MYO16: variants seen among roughly 807,000 people sequenced by gnomAD.
MYO16 encodes unconventional myosin-XVI.
In MYO16, 94 loss-of-function variants were observed where a neutral mutation model predicts 205.3. The ratio of observed to expected loss-of-function variants is 0.46; its 90% CI spans 0.39 to 0.54. MYO16 has a LOEUF of 0.54. MYO16 is among the 20% of genes least tolerant of loss of function. The pLI, the probability that MYO16 is intolerant of heterozygous loss-of-function variation, is 0.00. For missense variants in MYO16, 2,315 were observed against 2,387.5 expected (o/e 0.97, Z 0.63); for synonymous variants, 988 against 954.0 (o/e 1.04, Z -0.66).
chr13:108,680,231 G>T (rs931232335), intron 2 of MYO16, among the ~76,000 whole-genome samples: 5 of 152,188 alleles, frequency 3.3e-5, no homozygotes, highest in African/African-American at 1.2e-4. Flanking sequence ...CATCCAAGTG[G>T]CTGGATCCCA....
chr13:108,855,768 C>CTAA (rs1164354890), intron 11 of MYO16, among the ~76,000 whole-genome samples: 1 of 152,188 alleles, frequency 6.6e-6, no homozygotes. Flanking sequence ...TGAGTATGAA[C>CTAA]TAATACCCTG....
chr13:108,744,523 A>G (rs910554719), intron 4 of MYO16, among the ~76,000 whole-genome samples: 3 of 152,278 alleles, frequency 2.0e-5, no homozygotes, highest in African/African-American at 7.2e-5. Context: ...TCTGAAGAAC[A>G]GTATGATTCT....
chr13:108,819,331 G>A (rs186664182), intron 7 of MYO16, among the ~76,000 whole-genome samples: 7 of 152,152 alleles, frequency 4.6e-5, no homozygotes, highest in East Asian at 3.9e-4. Context: ...CAAAAATTTC[G>A]CGGTAAGCCA....
chr13:108,592,043 A>G (rs1021459092), upstream of MYO16, among the ~76,000 whole-genome samples: 5 of 112,096 alleles, frequency 4.5e-5, no homozygotes, highest in African/African-American at 1.8e-4. Context: ...GATTAAAAAA[A>G]TTTAATTATA....
intron 27 of MYO16, among the ~76,000 whole-genome samples, chr13:109,090,419 C>A (rs553062646): frequency 6.6e-6 from 1 of 152,184 alleles, no homozygotes. Flanking sequence ...TATGGCTGTG[C>A]GTCCACATGT....
the MYO16 span, among the ~76,000 whole-genome samples, chr13:108,528,615 C>CTT: frequency 3.5e-4 from 2 of 5,756 alleles, no homozygotes. Context: ...CCTCTCCTCC[C>CTT]CTCCCCTCTC....
At chr13:108,937,763 A>G (rs1882555919) in intron 16 of MYO16, among the ~76,000 whole-genome samples, 1 of 152,104 alleles carries the variant, frequency 6.6e-6, no homozygotes, top group South Asian at 2.1e-4. Context: ...TAAGATGTTT[A>G]TCTCTTCTTT....
chr13:108,768,370 T>C (rs998280848), intron 4 of MYO16, among the ~76,000 whole-genome samples: 1 of 152,228 alleles, frequency 6.6e-6, no homozygotes, highest in African/African-American at 2.4e-5. Context: ...AAGCCTCACT[T>C]AGACTTCTTG....
rs1322482731 is a variant in MYO16, at chr13:109,140,942, C to A, written c.4730C>A (p.Ser1577Tyr). 1 of 1,550,640 alleles carries A rather than the reference C, an allele frequency of 6.4e-7. No homozygotes were observed. The highest frequency in any genetic ancestry group is 8.7e-7 in the Non-Finnish European group (1 of 1,151,128). The stretch of plus-strand genomic sequence containing the variant: ...AAGGGCGACGGCGACAGGCCCGCGT[C>A]CCCCGGCCTGGCGCTGTTCAACGGG... Reference protein sequence around the residue: ...SQKGDGDRPASPGLALFNGSG... With the variant: ...SQKGDGDRPAYPGLALFNGSG... Residue 1577 changes from serine (S) to tyrosine (Y), a missense_variant, in exon 32 of 35, where the codon TCC becomes TAC. By Grantham distance (144) the Ser-to-Tyr change is moderately radical. Transcript: ENST00000457511. This position sits in a 1 kb window ranked among gnomAD's most constrained non-coding sequence, Gnocchi z 8.0.
At chr13:108,890,690 G>A (rs1334887570) in intron 14 of MYO16, among the ~76,000 whole-genome samples, 1 of 152,176 alleles carries the variant, frequency 6.6e-6, no homozygotes, top group Non-Finnish European at 1.5e-5. Flanking sequence ...TGGAAGAAGA[G>A]GAGAGTTGAT....
At chr13:108,933,521 G>A (rs1376819576) in intron 16 of MYO16, among the ~76,000 whole-genome samples, 2 of 150,728 alleles carry the variant, frequency 1.3e-5, no homozygotes, top group Non-Finnish European at 3.0e-5. Context: ...GTGTGTGTAT[G>A]TGTGTGTGTA....
intron 20 of MYO16, among the ~76,000 whole-genome samples, chr13:108,980,092 G>A (rs889702650): frequency 1.3e-5 from 2 of 152,042 alleles, no homozygotes; most frequent in African/African-American, 4.8e-5. Flanking sequence ...ATCAGATCTA[G>A]GAGAATATGT....
At chr13:108,558,325 C>A in the MYO16 span, among the ~76,000 whole-genome samples, 1 of 152,154 alleles carries the variant, frequency 6.6e-6, no homozygotes. Context: ...GTCTCCTTGT[C>A]CTTTTGCCTC....
intron 4 of MYO16, among the ~76,000 whole-genome samples, chr13:108,759,603 C>T (rs781753967): frequency 6.6e-6 from 1 of 152,020 alleles, no homozygotes; most frequent in Non-Finnish European, 1.5e-5. Flanking sequence ...GGGCGGATCA[C>T]GAGGTCAGGA....
chr13:108,680,098 G>T (rs1479864978), intron 2 of MYO16, among the ~76,000 whole-genome samples: 1 of 152,058 alleles, frequency 6.6e-6, no homozygotes, highest in Non-Finnish European at 1.5e-5. Context: ...TCCCAGTTTG[G>T]TCCCACAGTG....
At chr13:108,686,544 G>C (rs1882684682) in intron 2 of MYO16, among the ~76,000 whole-genome samples, 1 of 152,180 alleles carries the variant, frequency 6.6e-6, no homozygotes, top group African/African-American at 2.4e-5. Flanking sequence ...CCAGCCAGGG[G>C]ATATGGAGGT....
At chr13:108,501,049 TC>T in the MYO16 span, among the ~76,000 whole-genome samples, 1 of 152,198 alleles carries the variant, frequency 6.6e-6, no homozygotes, top group Non-Finnish European at 1.5e-5. Context: ...CTAGCTTTGT[TC>T]AGCTGGAATC....
chr13:108,916,775 A>G (rs1226488626), intron 16 of MYO16, among the ~76,000 whole-genome samples: 3 of 152,172 alleles, frequency 2.0e-5, no homozygotes. Flanking sequence ...TCTGTTCTTG[A>G]TGTTATATAT....
the MYO16 span, among the ~76,000 whole-genome samples, chr13:108,575,292 C>T: frequency 0.018 from 2,678 of 152,238 alleles, 92 homozygotes; most frequent in African/African-American, 0.061. Context: ...ATGACCAACC[C>T]GCCAGCTATG....
Sources: allele counts gnomAD v4.1 joint callset (sites outside exome capture counted in the v4.1 genomes callset), GRCh38; gene constraint gnomAD v4.1.1; non-coding constraint Gnocchi (gnomAD v3.1); transcripts MANE v1.5; gene names NCBI Gene and HGNC (gene_info 2026-07-23, HGNC 2026-07-21).